Variants in NMT2 observed in about 807,000 individuals in gnomAD.
The protein encoded by NMT2 is N-myristoyltransferase 2, also known as glycylpeptide N-tetradecanoyltransferase 2.
In NMT2, 35 loss-of-function variants were observed where a neutral mutation model predicts 65.4. The observed-to-expected ratio is 0.54, with a 90% CI of 0.41 to 0.71. The LOEUF (loss-of-function observed/expected upper bound fraction) is 0.71, where lower values mean the gene tolerates loss of function less well. Ranked by LOEUF, NMT2 falls within the 30% of genes least tolerant of loss-of-function variation. The pLI, the probability that NMT2 is intolerant of heterozygous loss-of-function variation, is 0.00. For synonymous variants in NMT2, 226 were observed against 231.8 expected, an observed-to-expected ratio of 0.98 and a Z score of 0.23; for missense variants, 489 against 611.3, an observed-to-expected ratio of 0.80 and a Z score of 2.11.
chr10:15,146,738 C>T (rs73604568), intron 1 of NMT2, among the ~76,000 whole-genome samples: 3,130 of 152,240 alleles, frequency 0.021, 99 homozygotes, highest in African/African-American at 0.072. Context: ...GTTGTTCAAT[C>T]CCATGTTAGG....
chr10:15,150,239 T>C (rs531269049), intron 1 of NMT2, among the ~76,000 whole-genome samples: 8 of 152,314 alleles, frequency 5.3e-5, no homozygotes, highest in South Asian at 2.1e-4. Context: ...CTGGCCAAAG[T>C]TGGTCCTCAT....
Position 15,128,457 on chromosome 10 carries a change from A to G in NMT2, c.892T>C (p.Tyr298His). The G allele has an allele frequency of 6.4e-7, 1 of 1,554,390 alleles. No homozygotes were observed. Among genetic ancestry groups the G allele is most frequent in the East Asian group, 2.2e-5 (1 of 44,596 alleles). The change falls in exon 8 of 12, where the codon TAC becomes CAC. Residue 298 changes from tyrosine to histidine, a missense_variant and splice_region_variant. By Grantham distance (83) the Tyr-to-His change is moderately conservative. Coordinates refer to ENST00000378165, the MANE Select transcript of NMT2 (RefSeq NM_004808.3). ...VLPKPIATCR[Y>H]WHRSLNPRKL... ...CTGGGGTTTAGTGATCGATGCCAGT[A>G]TCTGGAATACAATAAAGGTTTTAAA...
At chr10:15,135,201 G>T (rs1384099650) in intron 3 of NMT2, 73 bp downstream of exon 3, 4 of 1,330,164 alleles carry the variant, frequency 3.0e-6, no homozygotes, top group Non-Finnish European at 3.2e-6. Flanking sequence ...TTTTGTTGTT[G>T]TTGTTGTTGT....
intron 1 of NMT2, 101 bp downstream of exon 1, chr10:15,168,402 G>T: frequency 2.4e-6 from 2 of 848,232 alleles, no homozygotes; most frequent in Non-Finnish European, 1.8e-6. Context: ...GGGCGGAGCG[G>T]CCGAAGAACC....
At chr10:15,131,403 A>T (rs542234209) in intron 6 of NMT2, among the ~76,000 whole-genome samples, 2 of 150,582 alleles carry the variant, frequency 1.3e-5, no homozygotes, top group African/African-American at 2.4e-5. Context: ...CTCCCATCTC[A>T]GCCTCCCAGT....
At chr10:15,135,190 G>GTTT (rs377605955) in intron 3 of NMT2, 84 bp downstream of exon 3, 5 of 1,237,290 alleles carry the variant, frequency 4.0e-6, no homozygotes, top group Non-Finnish European at 5.8e-6. Context: ...CACTCTTTGT[G>GTTT]TTTTGTTGTT....
intron 1 of NMT2, among the ~76,000 whole-genome samples, chr10:15,160,191 A>ACCTC (rs1003600067): frequency 3.3e-5 from 5 of 151,594 alleles, no homozygotes; most frequent in African/African-American, 1.2e-4. Context: ...CTGTAATCAG[A>ACCTC]CCTCCCTCCC....
Position 15,108,739 on chromosome 10 carries a change from T to C in NMT2, c.*456A>G. Reference sequence around the variant, plus strand: ...GTGATACCATGTAAGGTGATACCAGTAAAAAAAATTTCCAAATGGATCTTT... The same window carrying C: ...GTGATACCATGTAAGGTGATACCAGCAAAAAAAATTTCCAAATGGATCTTT... On this transcript the variant is annotated 3_prime_UTR_variant, in exon 12 of 12. Coordinates refer to ENST00000378165, the MANE Select transcript of NMT2 (RefSeq NM_004808.3). The C allele has an allele frequency of 9.8e-7, 1 of 1,020,436 alleles. No individual in the cohort carries two copies. The highest frequency in any genetic ancestry group is 1.2e-6 in the Non-Finnish European group (1 of 853,984). 63.2% of individuals were successfully genotyped at this position (1,020,436 alleles called of 1,614,324 possible). A position where few individuals can be genotyped will look rare whatever the true frequency, so the allele number is the denominator to read the frequency against.
chr10:15,133,133 T>C lies in NMT2; in HGVS notation c.522A>G (p.Leu174=), dbSNP rs747844929. 75 of 1,613,432 alleles carry C rather than the reference T, an allele frequency of 4.6e-5. No individual in the cohort carries two copies. Among genetic ancestry groups the C allele is most frequent in the Non-Finnish European group, 5.9e-5 (70 of 1,179,440 alleles). The change falls in exon 5 of 12, where the codon TTA becomes TTG. Residue 174 remains leucine (L), a synonymous_variant. Coordinates refer to ENST00000378165, the MANE Select transcript of NMT2 (RefSeq NM_004808.3). ...DLSDAEVLKE[L]YTLLNENYVE... ...CGTAATTCTCATTTAACAACGTGTA[T>C]AACTCCTTGAGCTATAAGATAAAAC...
chr10:15,148,717 GT>G (rs1044048488), intron 1 of NMT2, among the ~76,000 whole-genome samples: 4 of 152,082 alleles, frequency 2.6e-5, no homozygotes, highest in African/African-American at 9.6e-5. Context: ...ATAAAACAGT[GT>G]TTTCTATTGT....
At chr10:15,109,500 G>C (rs1845433644) in intron 11 of NMT2, among the ~76,000 whole-genome samples, 2 of 152,304 alleles carry the variant, frequency 1.3e-5, no homozygotes, top group Admixed American at 6.5e-5. Context: ...GAACCTGGGA[G>C]GCGGAGGTTG....
intron 1 of NMT2, among the ~76,000 whole-genome samples, chr10:15,150,425 G>A (rs779428248): frequency 6.6e-6 from 1 of 152,106 alleles, no homozygotes; most frequent in Non-Finnish European, 1.5e-5. Context: ...GTGTAATGCA[G>A]AGTCCAGAGC....
intron 1 of NMT2, among the ~76,000 whole-genome samples, chr10:15,161,102 A>AAAAAAAAAAAAAAAAG (rs1833178945): frequency 6.7e-6 from 1 of 149,428 alleles, no homozygotes; most frequent in Non-Finnish European, 1.5e-5. Context: ...AAAAAAAAAA[A>AAAAAAAAAAAAAAAAG]AAAAAAAACA....
intron 1 of NMT2, among the ~76,000 whole-genome samples, chr10:15,150,611 A>G (rs1272882904): frequency 6.6e-6 from 1 of 152,114 alleles, no homozygotes; most frequent in African/African-American, 2.4e-5. Flanking sequence ...CAAAGCAGTA[A>G]GTCATGGACA....
chr10:15,127,234 CAAAAAATA>C (rs535812911), intron 8 of NMT2, among the ~76,000 whole-genome samples: 417 of 144,980 alleles, frequency 2.9e-3, no homozygotes, highest in Non-Finnish European at 5.0e-3. Flanking sequence ...GACTCTGTCT[CAAAAAATA>C]AAAAAATAAA....
chr10:15,168,594 ACTCGCTGTCCTCCGC>A lies in NMT2; in HGVS notation c.4_18del (p.Ala2_Glu6del). ...TCCAGGCTCTGCTGGCTGGCCGCAG[ACTCGCTGTCCTCCGC>A]CATCGCGGCGGCGCTGGCTGGGGAG... On this transcript the variant is annotated inframe_deletion, in exon 1 of 12. Coordinates refer to ENST00000378165, the MANE Select transcript of NMT2 (RefSeq NM_004808.3). 1 of 1,582,864 alleles carries A rather than the reference ACTCGCTGTCCTCCGC, an allele frequency of 6.3e-7. No homozygotes were observed. The highest frequency in any genetic ancestry group is 8.5e-7 in the Non-Finnish European group (1 of 1,169,636).
Position 15,133,083 on chromosome 10 carries a change from C to T in NMT2, c.572G>A (p.Arg191Gln), listed in dbSNP as rs752872891. The T allele has an allele frequency of 1.2e-5, 19 of 1,613,958 alleles. No homozygotes were observed. The East Asian group carries it at 2.0e-4, about 17-fold the overall frequency. ...NYVEDDDNMFRFDYSPEFLLW... is the reference protein window; with the variant it reads ...NYVEDDDNMFQFDYSPEFLLW... The stretch of plus-strand genomic sequence containing the variant: ...CAGGAACTCGGGTGAATAGTCAAAT[C>T]GGAACATATTGTCATCATCTTCTAC... Residue 191 changes from arginine to glutamine, a missense_variant, in exon 5 of 12, where the codon CGA (arginine) becomes CAA (glutamine). By Grantham distance (43) the Arg-to-Gln change is conservative. Coordinates refer to ENST00000378165, the MANE Select transcript of NMT2 (RefSeq NM_004808.3).
Position 15,147,095 on chromosome 10 carries a change from C to CAAAAAAAAA in NMT2, c.111-5547_111-5539dup, listed in dbSNP as rs34668178. ...CAACAGCGAAAGATCCTCTCGCTCTCAAAAAAAAAAAAAAAAAAAAAAAAA... is the reference window on the plus strand; with the variant it reads ...CAACAGCGAAAGATCCTCTCGCTCTCAAAAAAAAAAAAAAAAAAAAAAAAAAAAAAAAAA... On this transcript the variant is annotated intron_variant, in intron 1 of 11. Coordinates refer to ENST00000378165, the MANE Select transcript of NMT2 (RefSeq NM_004808.3). Among the ~76,000 whole-genome samples the CAAAAAAAAA allele has an allele frequency of 7.0e-4, 31 of 44,506 alleles. 1 individual carries two copies. Among genetic ancestry groups the CAAAAAAAAA allele is most frequent in the Admixed American group, 1.3e-3 (3 of 2,228 alleles). 29.2% of individuals were successfully genotyped at this position (44,506 alleles called of 152,430 possible). A position where few individuals can be genotyped will look rare whatever the true frequency, so the allele number is the denominator to read the frequency against.
At chr10:15,136,840 T>C (rs900732414) in intron 2 of NMT2, among the ~76,000 whole-genome samples, 1 of 152,112 alleles carries the variant, frequency 6.6e-6, no homozygotes, top group African/African-American at 2.4e-5. Flanking sequence ...TTTTTTTTTT[T>C]TTTAATTCCT....
Sources: gnomAD v4.1 joint callset for allele counts (sites outside exome capture counted in the v4.1 genomes callset) on GRCh38, gnomAD v4.1.1 for gene constraint, MANE v1.5 for transcripts, NCBI Gene and HGNC (gene_info 2026-07-23, HGNC 2026-07-21) for gene names.